DENND2B: variants seen among roughly 807,000 people sequenced by gnomAD.
DENND2B encodes the protein DENN domain-containing protein 2B.
DENND2B carries 32 observed loss-of-function variants against 116.0 expected under a neutral mutation model. That is an observed-to-expected ratio of 0.28 (90% CI 0.21 to 0.37). The LOEUF (loss-of-function observed/expected upper bound fraction) is 0.37. Among genes scored for constraint, DENND2B ranks in the 10% least tolerant of loss-of-function variants. The pLI is 1.00. For synonymous variants in DENND2B, 588 were observed against 583.9 expected, an observed-to-expected ratio of 1.01 and a Z score of -0.10; for missense variants, 1,276 against 1,477.7, an observed-to-expected ratio of 0.86 and a Z score of 2.24.
In DENND2B at chr11:8,899,557, G is replaced by GA. The variant is rs201315459; in HGVS notation, c.-256+11263dup. ...AAAGCAGGGATCAAAGTGTTTAAAG[G>GA]AAAAAAAAAATCTGCCAACTAAAAA... On this transcript the variant is annotated intron_variant, in intron 1 of 22. Coordinates refer to the DENND2B transcript ENST00000534127. Among the ~76,000 whole-genome samples the GA allele has an allele frequency of 4.0e-3, 600 of 148,840 alleles. 3 individuals are homozygous for GA. Among genetic ancestry groups the GA allele is most frequent in the African/African-American group, 0.013 (524 of 40,798 alleles).
intron 1 of DENND2B, among the ~76,000 whole-genome samples, chr11:8,798,608 G>A (rs559688035): frequency 2.6e-5 from 4 of 152,108 alleles, no homozygotes; most frequent in Non-Finnish European, 5.9e-5. Context: ...TCTGGCCTTC[G>A]GTGTTTTTCA....
At chr11:8,718,906 G>C in intron 4 of DENND2B, 1 of 989,724 alleles carries the variant, frequency 1.0e-6, no homozygotes, top group Non-Finnish European at 1.2e-6. Context: ...GTCAGTCCTA[G>C]CTCAATCCTG....
intron 1 of DENND2B, among the ~76,000 whole-genome samples, chr11:8,754,557 T>C (rs944281756): frequency 1.3e-5 from 2 of 152,244 alleles, no homozygotes; most frequent in Admixed American, 1.3e-4. Context: ...TAAACCAGGA[T>C]GACCCACTCC....
chr11:8,770,822 C>T (rs573969466), intron 1 of DENND2B, among the ~76,000 whole-genome samples: 1 of 152,280 alleles, frequency 6.6e-6, no homozygotes, highest in East Asian at 1.9e-4. Context: ...TCCCAAGTAG[C>T]TGGGATGATA....
intron 3 of DENND2B, among the ~76,000 whole-genome samples, chr11:8,852,883 G>A (rs2063059198): frequency 6.6e-6 from 1 of 152,186 alleles, no homozygotes; most frequent in Non-Finnish European, 1.5e-5. Context: ...GTAAGGAGAA[G>A]GACGATTCAT....
At chr11:8,716,354 T>C (rs750548590) in intron 5 of DENND2B, among the ~76,000 whole-genome samples, 2 of 152,186 alleles carry the variant, frequency 1.3e-5, no homozygotes, top group African/African-American at 2.4e-5. Flanking sequence ...TCACACTGAA[T>C]TGGATCCCAT....
intron 15 of DENND2B, 73 bp from the exon 16 acceptor site, chr11:8,699,047 C>CTCCCAGGT: frequency 6.3e-7 from 1 of 1,587,892 alleles, no homozygotes; most frequent in Non-Finnish European, 8.6e-7. Flanking sequence ...GCCTCCAGAC[C>CTCCCAGGT]TCCCAGGTTC....
chr11:8,766,678 A>T (rs10734637), intron 1 of DENND2B: 5 of 1,288,792 alleles, frequency 3.9e-6, no homozygotes, highest in East Asian at 5.6e-5. Flanking sequence ...TATGCGCCCC[A>T]CCTCCATTCT....
intron 5 of DENND2B, 85 bp downstream of exon 5, chr11:8,717,656 G>A: frequency 6.9e-7 from 1 of 1,455,612 alleles, no homozygotes; most frequent in Non-Finnish European, 9.1e-7. Flanking sequence ...AAGCCTGAGT[G>A]GAAGCTGGGC....
intron 2 of DENND2B, among the ~76,000 whole-genome samples, chr11:8,879,925 G>A (rs977258011): frequency 2.6e-5 from 4 of 152,122 alleles, no homozygotes; most frequent in Admixed American, 1.3e-4. Flanking sequence ...AGGGAGTTTC[G>A]ATTGAAATAG....
At chr11:8,763,445 A>G (rs74053172) in intron 1 of DENND2B, among the ~76,000 whole-genome samples, 2,821 of 152,212 alleles carry the variant, frequency 0.019, 87 homozygotes, top group African/African-American at 0.064. Context: ...GAGAATGTGC[A>G]TAACAACACT....
At chr11:8,842,974 TA>T (rs1322350245) in intron 3 of DENND2B, among the ~76,000 whole-genome samples, 1 of 151,890 alleles carries the variant, frequency 6.6e-6, no homozygotes, top group Non-Finnish European at 1.5e-5. Context: ...TGTACTGGCC[TA>T]AGGATCTCAA....
rs2134345490 is a variant in DENND2B, at chr11:8,793,053, G to T, written c.-26+17464C>A. On this transcript the variant is annotated intron_variant, in intron 1 of 19. Coordinates refer to ENST00000313726, the MANE Select transcript of DENND2B (RefSeq NM_213618.2). ...TTCAATTGTCCGTCAAAAGGGGCTT[G>T]GTTAAATAAATTATGATACATCCCT... 2.0e-5 allele frequency among the ~76,000 whole-genome samples: 3 copies of T among 152,286 alleles called. No individual in the cohort carries two copies. The South Asian group carries it at 6.2e-4, about 32-fold the overall frequency.
rs747351399 is a variant in DENND2B at position 8,717,734 on chromosome 11, G to A, written c.1629+7C>T. 1 of 1,552,898 alleles carries A rather than the reference G, an allele frequency of 6.4e-7. No homozygotes were observed. The highest frequency in any genetic ancestry group is 8.7e-7 in the Non-Finnish European group (1 of 1,145,130). On this transcript the variant is annotated splice_region_variant and intron_variant, in intron 5 of 19. Coordinates refer to ENST00000313726, the MANE Select transcript of DENND2B (RefSeq NM_213618.2). ...AACCCTACAGGCCGATGTCAGGGCT[G>A]AGTTACCTGTGTGGGCGGGCTGTTG... is the stretch of plus-strand genomic sequence containing the variant.
chr11:8,801,689 A>AAAAGAAAG lies in DENND2B; in HGVS notation c.-26+8820_-26+8827dup, dbSNP rs1555198990. On this transcript the variant is annotated intron_variant, in intron 1 of 19. Coordinates refer to ENST00000313726, the MANE Select transcript of DENND2B (RefSeq NM_213618.2). Reference sequence around the variant, plus strand: ...AAGACTTTGTCTCAAAAAAAAAAAAAAAAGAAAGAAAGAAACAAACAAACA... The same window carrying AAAAGAAAG: ...AAGACTTTGTCTCAAAAAAAAAAAAAAAAGAAAGAAAGAAAGAAAGAAACAAACAAACA... 5.8e-3 allele frequency among the ~76,000 whole-genome samples: 681 copies of AAAAGAAAG among 117,576 alleles called. 39 individuals carry two copies. The highest frequency in any genetic ancestry group is 0.011 in the East Asian group (44 of 4,052). 77.1% of individuals were successfully genotyped at this position (117,576 alleles called of 152,430 possible).
At chr11:8,839,539 T>C (rs2062553888) in intron 3 of DENND2B, among the ~76,000 whole-genome samples, 1 of 152,172 alleles carries the variant, frequency 6.6e-6, no homozygotes, top group African/African-American at 2.4e-5. Flanking sequence ...AGGCCAGCTT[T>C]CTACCCATGC....
intron 4 of DENND2B, among the ~76,000 whole-genome samples, chr11:8,828,940 A>AGT (rs1224577115): frequency 2.6e-5 from 4 of 151,230 alleles, no homozygotes; most frequent in South Asian, 2.1e-4. Flanking sequence ...GGGAGGAGAA[A>AGT]GTGTGTGTGT....
At chr11:8,801,519 T>C (rs1045764679) in intron 1 of DENND2B, among the ~76,000 whole-genome samples, 2 of 150,218 alleles carry the variant, frequency 1.3e-5, no homozygotes, top group Non-Finnish European at 3.0e-5. Context: ...TCTACTAAAA[T>C]ACAAAAAATT....
intron 13 of DENND2B, chr11:8,703,201 G>T (rs181819702): frequency 6.5e-6 from 1 of 154,942 alleles, no homozygotes; most frequent in Admixed American, 6.4e-5. Flanking sequence ...TGGGGTCCTT[G>T]TTGCCCTGTC....
Sources: gnomAD v4.1 joint callset for allele counts (sites outside exome capture counted in the v4.1 genomes callset) on GRCh38, gnomAD v4.1.1 for gene constraint, MANE v1.5 for transcripts, NCBI Gene and HGNC (gene_info 2026-07-23, HGNC 2026-07-21) for gene names.